Variants in CABYR observed in about 807,000 individuals in gnomAD.
CABYR encodes calcium binding tyrosine phosphorylation regulated.
A neutral mutation model predicts 36.1 loss-of-function variants in CABYR; 31 were observed. The observed-to-expected ratio is 0.86, with a 90% CI of 0.64 to 1.16. The LOEUF is 1.16. Among genes scored for constraint, CABYR ranks in the 50% most tolerant of loss-of-function variants. The pLI is 0.00. For synonymous variants in CABYR, 146 were observed against 160.7 expected, an observed-to-expected ratio of 0.91 and a Z score of 0.69; for missense variants, 429 against 455.8, an observed-to-expected ratio of 0.94 and a Z score of 0.53.
At chr18:24,153,446 G>A (rs2085690062) in intron 3 of CABYR, among the ~76,000 whole-genome samples, 1 of 152,152 alleles carries the variant, frequency 6.6e-6, no homozygotes, top group South Asian at 2.1e-4. Flanking sequence ...TTCTCCTTGG[G>A]TCTGGAGTCC....
At position 24,139,095 on chromosome 18, in the gene CABYR, C is replaced by T. The variant is rs1003826336; in HGVS notation, c.-48C>T. On this transcript the variant is annotated 5_prime_UTR_variant, in exon 1 of 6. Transcript: ENST00000399496. ...CCGGCAAGGGGGCAACGAGGAAGCT[C>T]TTAAGAGCGCGGCCGGAAAGCAGGT... 6.6e-6 allele frequency: 1 copy of T among 152,290 alleles called. No homozygotes were observed. The highest frequency in any genetic ancestry group is 1.9e-4 in the East Asian group (1 of 5,186). The allele number at this position is 152,290 out of a possible 1,614,324, so 9.4% of individuals were successfully genotyped here. A position where few individuals can be genotyped will look rare whatever the true frequency, so the allele number is the denominator to read the frequency against.
At chr18:24,140,466 G>C (rs2085286760) in intron 1 of CABYR, among the ~76,000 whole-genome samples, 1 of 150,502 alleles carries the variant, frequency 6.6e-6, no homozygotes. Context: ...ATATTTATGG[G>C]GCACATGAGA....
At chr18:24,148,396 G>C (rs1306237101) in intron 3 of CABYR, among the ~76,000 whole-genome samples, 1 of 152,160 alleles carries the variant, frequency 6.6e-6, no homozygotes, top group Non-Finnish European at 1.5e-5. Flanking sequence ...ATCTAGCTAA[G>C]ATTATCTTAG....
chr18:24,160,104 TAAC>T lies in CABYR; in HGVS notation c.1139+37_1139+39del, dbSNP rs1428737408. The T allele has an allele frequency of 2.3e-6, 3 of 1,330,438 alleles. No homozygotes were observed. The African/African-American group carries it at 4.4e-5, about 20-fold the overall frequency. 82.4% of individuals were successfully genotyped at this position (1,330,438 alleles called of 1,614,324 possible). On this transcript the variant is annotated intron_variant, in intron 5 of 5. Transcript: ENST00000399496. Reference sequence around the variant, plus strand: ...CTTTCCTACCATAATATTTAGGCCTTAACACACGCGCGTTTTAAGCATTTTGAT... The same window carrying T: ...CTTTCCTACCATAATATTTAGGCCTTACACGCGCGTTTTAAGCATTTTGAT...
chr18:24,149,833 G>T (rs1028206667), intron 3 of CABYR, among the ~76,000 whole-genome samples: 1 of 152,224 alleles, frequency 6.6e-6, no homozygotes, highest in African/African-American at 2.4e-5. Context: ...TGGCAGGGCC[G>T]GCCCGCTGCT....
chr18:24,150,176 T>C (rs1465980406), intron 3 of CABYR, among the ~76,000 whole-genome samples: 1 of 152,234 alleles, frequency 6.6e-6, no homozygotes, highest in African/African-American at 2.4e-5. Context: ...GCCAAAGAGA[T>C]GCCAAACTGC....
chr18:24,161,152 A>G (rs1334640775), intron 5 of CABYR, among the ~76,000 whole-genome samples: 1 of 150,258 alleles, frequency 6.7e-6, no homozygotes, highest in East Asian at 2.0e-4. Flanking sequence ...TTATACACCA[A>G]TTAGTTACTT....
chr18:24,151,677 C>A (rs2085638186), intron 3 of CABYR, among the ~76,000 whole-genome samples: 1 of 134,614 alleles, frequency 7.4e-6, no homozygotes, highest in South Asian at 2.4e-4. Context: ...AATGGTTGAT[C>A]TAGTGTTGGC....
At chr18:24,140,803 T>C (rs2085302241) in intron 1 of CABYR, among the ~76,000 whole-genome samples, 1 of 152,162 alleles carries the variant, frequency 6.6e-6, no homozygotes, top group Non-Finnish European at 1.5e-5. Context: ...ATGTTTTCCT[T>C]TCTGTGCCTC....
chr18:24,156,750 C>T, intron 4 of CABYR: 1 of 1,614,218 alleles, frequency 6.2e-7, no homozygotes, highest in Non-Finnish European at 8.5e-7. Context: ...TGAAAAATCT[C>T]TGCACCTTGA....
chr18:24,142,305 C>T (rs147063594), intron 1 of CABYR, among the ~76,000 whole-genome samples: 3 of 150,722 alleles, frequency 2.0e-5, no homozygotes, highest in East Asian at 1.9e-4. Context: ...GGTGGCAGAG[C>T]GAGACTCCAT....
At chr18:24,151,909 C>T (rs2085647694) in intron 3 of CABYR, among the ~76,000 whole-genome samples, 1 of 152,016 alleles carries the variant, frequency 6.6e-6, no homozygotes, top group Admixed American at 6.6e-5. Flanking sequence ...GGGCTGGTCT[C>T]GAACTCCTGG....
chr18:24,142,134 A>T (rs1033098035), intron 1 of CABYR, among the ~76,000 whole-genome samples: 2 of 152,174 alleles, frequency 1.3e-5, no homozygotes, highest in Non-Finnish European at 2.9e-5. Flanking sequence ...AGCCTGGCCA[A>T]GATGGTGAAA....
intron 3 of CABYR, among the ~76,000 whole-genome samples, chr18:24,143,934 G>C (rs1599372359): frequency 6.6e-6 from 1 of 150,894 alleles, no homozygotes; most frequent in Non-Finnish European, 1.5e-5. Context: ...GTCTCACTCT[G>C]TTGCCCAGGC....
At position 24,156,764 on chromosome 18, in the gene CABYR, G is replaced by A. The variant is rs142548654; in HGVS notation, c.541+722G>A. ...CTGAAAAATCTCTGCACCTTGAAGT[G>A]GAGATCACTTCAATAGTCTCTGACA... On this transcript the variant is annotated intron_variant, in intron 4 of 5. Transcript: ENST00000399496. The A allele has an allele frequency of 3.0e-4, 483 of 1,614,186 alleles. 2 individuals carry two copies. Among genetic ancestry groups the A allele is most frequent in the Middle Eastern group, 2.8e-3 (17 of 6,062 alleles).
At chr18:24,146,565 G>A (rs2085464179) in intron 3 of CABYR, among the ~76,000 whole-genome samples, 1 of 151,560 alleles carries the variant, frequency 6.6e-6, no homozygotes, top group South Asian at 2.1e-4. Context: ...AAAGGTCTAT[G>A]TCATTGCAGT....
chr18:24,143,042 ACCTATTTTAGT>A, intron 1 of CABYR, 38 bp from the exon 2 acceptor site: 7 of 1,267,958 alleles, frequency 5.5e-6, no homozygotes, highest in East Asian at 2.5e-5. Flanking sequence ...AAAAAAAAAA[ACCTATTTTAGT>A]AAAACTAATT....
intron 4 of CABYR, chr18:24,156,315 G>T (rs750467975): frequency 6.2e-7 from 1 of 1,614,168 alleles, no homozygotes; most frequent in Non-Finnish European, 8.5e-7. Flanking sequence ...AGAACCTCCT[G>T]CTTATGATCA....
chr18:24,159,931 T>C lies in CABYR; in HGVS notation c.1001T>C (p.Val334Ala), dbSNP rs769016170. Residue 334 changes from valine to alanine, a missense_variant, in exon 5 of 6, where the codon GTT (valine) becomes GCT (alanine). Transcript: ENST00000399496. The stretch of plus-strand genomic sequence containing the variant: ...CCAAAAAGCCCTGTTTTCCTTTCTG[T>C]TGCTTTCCCAGTAGAAGATGTAGCT... ...PRPKSPVFLS[V>A]AFPVEDVAKK... The C allele has an allele frequency of 3.7e-6, 6 of 1,614,032 alleles. No homozygotes were observed. In the South Asian group the frequency reaches 6.6e-5, roughly 18 times the overall value.
Sources: allele counts gnomAD v4.1 joint callset (sites outside exome capture counted in the v4.1 genomes callset), GRCh38; gene constraint gnomAD v4.1.1; transcripts MANE v1.5; gene names NCBI Gene and HGNC (gene_info 2026-07-23, HGNC 2026-07-21).